The following CDKL2 variants were observed in gnomAD, a reference collection of about 807,000 sequenced individuals.
CDKL2 encodes cyclin-dependent kinase-like 2.
A neutral mutation model predicts 63.9 loss-of-function variants in CDKL2; 64 were observed. That is an observed-to-expected ratio of 1.00 (90% CI 0.82 to 1.23). CDKL2 has a LOEUF of 1.23. Among genes scored for constraint, CDKL2 ranks in the 50% most tolerant of loss-of-function variants. The probability of loss-of-function intolerance (pLI) is 0.00; values close to 1 mark genes in which losing one functional copy is unlikely to be tolerated. For synonymous variants in CDKL2, 211 were observed against 229.2 expected (o/e 0.92, Z 0.72); for missense variants, 656 against 668.0 (o/e 0.98, Z 0.20).
chr4:75,594,936 G>A (rs1460996771), intron 10 of CDKL2, among the ~76,000 whole-genome samples: 1 of 152,146 alleles, frequency 6.6e-6, no homozygotes, highest in African/African-American at 2.4e-5. Context: ...TTTCCTCAGT[G>A]ATAAGAAGCT....
At chr4:75,600,248 GT>G (rs770375391) in intron 7 of CDKL2, 32 bp downstream of exon 7, 2 of 1,384,470 alleles carry the variant, frequency 1.4e-6, no homozygotes, top group South Asian at 2.4e-5. Flanking sequence ...CCCTAGGTTG[GT>G]ATGGCCTGAA....
chr4:75,627,860 C>T (rs1047187911), intron 1 of CDKL2, among the ~76,000 whole-genome samples: 2 of 149,648 alleles, frequency 1.3e-5, no homozygotes, highest in African/African-American at 4.9e-5. Context: ...TTACAGGCAC[C>T]GCTACCACGC....
chr4:75,611,235 G>A (rs545396456), intron 3 of CDKL2, among the ~76,000 whole-genome samples: 10 of 152,168 alleles, frequency 6.6e-5, no homozygotes, highest in East Asian at 1.9e-4. Context: ...GAGGTGGGCC[G>A]ATCACTTGAG....
intron 3 of CDKL2, among the ~76,000 whole-genome samples, chr4:75,612,034 G>A (rs1223798003): frequency 2.6e-5 from 4 of 151,814 alleles, no homozygotes; most frequent in Admixed American, 6.6e-5. Flanking sequence ...GCAGTGGCAC[G>A]ATCTCAGCTC....
intron 13 of CDKL2, among the ~76,000 whole-genome samples, chr4:75,580,798 T>C (rs1410312499): frequency 9.4e-5 from 14 of 149,670 alleles, no homozygotes; most frequent in Admixed American, 7.3e-4. Context: ...CCTCCCGGGT[T>C]CACGCCATTC....
rs756179381 is a variant in CDKL2, at chr4:75,596,948, T to C, written c.1309A>G (p.Ile437Val). The change falls in exon 9 of 14, where the codon ATT becomes GTT. Residue 437 changes from isoleucine to valine, a missense_variant. Transcript: ENST00000307465. ...NSGMGTETIPIQGYRVDEKTK... is the reference protein window; with the variant it reads ...NSGMGTETIPVQGYRVDEKTK... ...ACTAATTCATACCTGTAACCCTGAA[T>C]TGGTATAGTCTCAGTCCCCATTCCA... The C allele has an allele frequency of 1.4e-5, 23 of 1,610,392 alleles. No homozygotes were observed. Among genetic ancestry groups the C allele is most frequent in the Admixed American group, 3.3e-5 (2 of 59,824 alleles).
rs1468293398 is a variant in CDKL2 at position 75,576,945 on chromosome 4, G to C, written c.*2257C>G. Reference sequence around the variant, plus strand: ...AGAAATGTTATTTTATGACCATGCTGCTTATATCACCAGCTATACAAGAAA... The same window carrying C: ...AGAAATGTTATTTTATGACCATGCTCCTTATATCACCAGCTATACAAGAAA... On this transcript the variant is annotated 3_prime_UTR_variant, in exon 14 of 14. Transcript: ENST00000307465. 6.6e-6 allele frequency among the ~76,000 whole-genome samples: 1 copy of C among 152,090 alleles called. No individual in the cohort carries two copies. Among genetic ancestry groups the C allele is most frequent in the Non-Finnish European group, 1.5e-5 (1 of 67,994 alleles).
rs1436440609 is a variant in CDKL2, at chr4:75,576,634, A to G, written c.*2568T>C. ...AAGACTAGCCTAAAGCCTTAGGAGCAGTGCTCTGTTGCTTCTCTAATCCCC... is the reference window on the plus strand; with the variant it reads ...AAGACTAGCCTAAAGCCTTAGGAGCGGTGCTCTGTTGCTTCTCTAATCCCC... On this transcript the variant is annotated 3_prime_UTR_variant, in exon 14 of 14. Coordinates refer to ENST00000307465, the MANE Select transcript of CDKL2 (RefSeq NM_001330724.2). Among the ~76,000 whole-genome samples, 1 of 152,244 alleles carries G rather than the reference A, an allele frequency of 6.6e-6. No homozygotes were observed. Among genetic ancestry groups the G allele is most frequent in the African/African-American group, 2.4e-5 (1 of 41,472 alleles).
At chr4:75,628,264 T>C (rs960088759) in intron 1 of CDKL2, among the ~76,000 whole-genome samples, 11 of 151,596 alleles carry the variant, frequency 7.3e-5, no homozygotes, top group East Asian at 2.0e-4. Flanking sequence ...TACAGGCGCC[T>C]GCCACCACGC....
chr4:75,580,857 C>T (rs1002716725), intron 13 of CDKL2, among the ~76,000 whole-genome samples: 2 of 139,202 alleles, frequency 1.4e-5, no homozygotes, highest in South Asian at 2.3e-4. Flanking sequence ...CCCGCTACCA[C>T]ACCCGGCTAA....
Position 75,630,527 on chromosome 4 carries a change from G to C in CDKL2, c.-515C>G, listed in dbSNP as rs530177108. 3.3e-5 allele frequency: 5 copies of C among 152,386 alleles called. No individual in the cohort carries two copies. The highest frequency in any genetic ancestry group is 6.5e-5 in the Admixed American group (1 of 15,286). The allele number at this position is 152,386 out of a possible 1,614,324, so 9.4% of individuals were successfully genotyped here. ...AAGGCGTTGGCCGCGGAGCTGCAAG[G>C]GGGGGCGGTTTCTCACCCGCCCCGA... is the stretch of plus-strand genomic sequence containing the variant. On this transcript the variant is annotated 5_prime_UTR_variant, in exon 1 of 14. Coordinates refer to ENST00000307465, the MANE Select transcript of CDKL2 (RefSeq NM_001330724.2).
chr4:75,589,190 T>A (rs895784960), intron 12 of CDKL2, among the ~76,000 whole-genome samples: 2 of 152,016 alleles, frequency 1.3e-5, no homozygotes, highest in Admixed American at 1.3e-4. Flanking sequence ...AGGCTAAAAT[T>A]AAATTGACAA....
At position 75,611,548 on chromosome 4, in the gene CDKL2, A is replaced by G. The variant is rs201891692; in HGVS notation, c.363+2707T>C. Among the ~76,000 whole-genome samples, 16 of 152,134 alleles carry G rather than the reference A, an allele frequency of 1.1e-4. No homozygotes were observed. The East Asian group carries it at 3.1e-3, about 29-fold the overall frequency. On this transcript the variant is annotated intron_variant, in intron 3 of 13. Transcript: ENST00000307465. ...AATAACACTAATGCTCCCTTGAGAC[A>G]AGTGTTCATAAGTTAGAGTGAGATC...
chr4:75,580,858 A>G (rs62320976), intron 13 of CDKL2, among the ~76,000 whole-genome samples: 129,100 of 148,284 alleles, frequency 0.87, 56,091 homozygotes, highest in East Asian at 0.92. Context: ...CCGCTACCAC[A>G]CCCGGCTAAT....
In CDKL2 at chr4:75,581,809, C is replaced by T. The variant is rs761291818; in HGVS notation, c.*23+1G>A. On this transcript the variant is annotated splice_donor_variant, in intron 13 of 13. Coordinates refer to ENST00000307465, the MANE Select transcript of CDKL2 (RefSeq NM_001330724.2). LOFTEE classifies it low-confidence loss of function (3UTR_SPLICE). ...CTTTAAGTATGGGAAATCACACCTA[C>T]CCAGTTCAGAACCAAAATGGTTCTC... 2 of 1,563,146 alleles carry T rather than the reference C, an allele frequency of 1.3e-6. No homozygotes were observed. Among genetic ancestry groups the T allele is most frequent in the Non-Finnish European group, 1.8e-6 (2 of 1,135,262 alleles).
chr4:75,627,817 G>A (rs1180551955), intron 1 of CDKL2, among the ~76,000 whole-genome samples: 1 of 136,276 alleles, frequency 7.3e-6, no homozygotes, highest in Non-Finnish European at 1.5e-5. Flanking sequence ...AGGTTCAAGC[G>A]ATTCCCTGTT....
intron 12 of CDKL2, among the ~76,000 whole-genome samples, chr4:75,589,997 A>AC: frequency 6.6e-6 from 1 of 151,308 alleles, no homozygotes; most frequent in East Asian, 2.0e-4. Context: ...AAAAAAAAAA[A>AC]GAGGCCAGGT....
intron 4 of CDKL2, 35 bp from the exon 5 acceptor site, chr4:75,605,669 T>A: frequency 7.1e-7 from 1 of 1,405,228 alleles, no homozygotes; most frequent in Non-Finnish European, 1.0e-6. Flanking sequence ...AAATCTGGCA[T>A]CCTAATATGC....
chr4:75,577,287 G>C lies in CDKL2; in HGVS notation c.*1915C>G, dbSNP rs1344447486. Among the ~76,000 whole-genome samples, 4 of 151,976 alleles carry C rather than the reference G, an allele frequency of 2.6e-5. No individual in the cohort carries two copies. Among genetic ancestry groups the C allele is most frequent in the Non-Finnish European group, 2.9e-5 (2 of 67,980 alleles). ...TCATTTTGGTTCAATATCTATTATT[G>C]TTGATTATGTAATCTTGTTGATTAC... is the stretch of plus-strand genomic sequence containing the variant. On this transcript the variant is annotated 3_prime_UTR_variant, in exon 14 of 14. Transcript: ENST00000307465.
Sources: gnomAD v4.1 joint callset for allele counts (sites outside exome capture counted in the v4.1 genomes callset) on GRCh38, gnomAD v4.1.1 for gene constraint, MANE v1.5 for transcripts, NCBI Gene and HGNC (gene_info 2026-07-23, HGNC 2026-07-21) for gene names.